The following ATP4B variants were observed in gnomAD, a reference collection of about 807,000 sequenced individuals.
ATP4B encodes ATPase H+/K+ transporting subunit beta, also known as potassium-transporting ATPase subunit beta.
ATP4B carries 27 observed loss-of-function variants against 35.3 expected under a neutral mutation model. The ratio of observed to expected loss-of-function variants is 0.76; its 90% confidence interval spans 0.56 to 1.05. The LOEUF (loss-of-function observed/expected upper bound fraction) is 1.05. ATP4B is among the 50% of genes least tolerant of loss of function. The pLI is 0.00. For synonymous variants in ATP4B, 162 were observed against 156.0 expected (o/e 1.04, Z -0.29); for missense variants, 375 against 384.8 (o/e 0.97, Z 0.21).
At chr13:113,653,558 C>T in intron 2 of ATP4B, 124 bp from the exon 3 acceptor site, 1 of 729,828 alleles carries the variant, frequency 1.4e-6, no homozygotes, top group South Asian at 1.7e-5. Flanking sequence ...TCGGAGTAAA[C>T]TGTCTGCAGC....
At chr13:113,656,027 C>T (rs977670380) in intron 1 of ATP4B, among the ~76,000 whole-genome samples, 1 of 152,258 alleles carries the variant, frequency 6.6e-6, no homozygotes, top group African/African-American at 2.4e-5. Flanking sequence ...CACTTTGAGT[C>T]CCTCCTTTCC....
rs563712614 is a variant in ATP4B, at chr13:113,652,196, G to T, written c.556-469C>A. ...AGCCATCCCCTGCTGTGCTCCGAGG[G>T]TGGCAGCTGCCATGAGACGGGCACA... On this transcript the variant is annotated intron_variant, in intron 4 of 6. Transcript: ENST00000335288. Among the ~76,000 whole-genome samples the T allele has an allele frequency of 9.8e-5, 15 of 152,298 alleles. 1 individual carries two copies. The South Asian group carries it at 1.2e-3, about 13-fold the overall frequency.
intron 5 of ATP4B, among the ~76,000 whole-genome samples, chr13:113,651,392 C>A (rs1000017906): frequency 1.3e-5 from 2 of 152,230 alleles, no homozygotes; most frequent in Admixed American, 1.3e-4. Flanking sequence ...ACTGGTCTTT[C>A]CACATCGCCA....
Position 113,651,736 on chromosome 13 carries a change from G to T in ATP4B, c.556-9C>A. The T allele has an allele frequency of 2.5e-6, 4 of 1,613,472 alleles. No individual in the cohort carries two copies. The highest frequency in any genetic ancestry group is 3.4e-6 in the Non-Finnish European group (4 of 1,179,714). The stretch of plus-strand genomic sequence containing the variant: ...GGGAGGAACTTGACGATCTAGAAGG[G>T]AAAAGCTTGAGCGTGGCCGCTCCCC... On this transcript the variant is annotated splice_polypyrimidine_tract_variant and intron_variant, in intron 4 of 6. Coordinates refer to ENST00000335288, the MANE Select transcript of ATP4B (RefSeq NM_000705.4).
chr13:113,657,333 C>T (rs2049763037), intron 1 of ATP4B, among the ~76,000 whole-genome samples: 3 of 152,244 alleles, frequency 2.0e-5, no homozygotes, highest in African/African-American at 4.8e-5. Context: ...GGTGGGGGCG[C>T]ACAGGTGCTT....
At position 113,654,888 on chromosome 13, in the gene ATP4B, G is replaced by A; in HGVS notation, c.167C>T (p.Ala56Val). 6.2e-7 allele frequency: 1 copy of A among 1,614,226 alleles called. No homozygotes were observed. Among genetic ancestry groups the A allele is most frequent in the Non-Finnish European group, 8.5e-7 (1 of 1,180,036 alleles). ...AFYVVMTGLF[A>V]LCLYVLMQTV... ...CTGCATCAGCACATAGAGGCACAGG[G>A]CGAAGAGCCCAGTCATCACCACGTA... The change falls in exon 2 of 7, where the codon GCC (alanine) becomes GTC (valine). Residue 56 changes from alanine (A) to valine (V), a missense_variant. By Grantham distance (64) the Ala-to-Val change is moderately conservative. Coordinates refer to ENST00000335288, the MANE Select transcript of ATP4B (RefSeq NM_000705.4).
intron 2 of ATP4B, among the ~76,000 whole-genome samples, chr13:113,654,401 C>T (rs2140703570): frequency 6.6e-6 from 1 of 152,270 alleles, no homozygotes; most frequent in African/African-American, 2.4e-5. Context: ...CTGCTGGTCT[C>T]CCGGGTGTGC....
chr13:113,655,627 T>A (rs1448347709), intron 1 of ATP4B, among the ~76,000 whole-genome samples: 2 of 152,204 alleles, frequency 1.3e-5, no homozygotes, highest in Non-Finnish European at 2.9e-5. Flanking sequence ...CTGTGTGCTG[T>A]CTTCGTCTCT....
rs1162636899 is a variant in ATP4B, at chr13:113,652,980, A to G, written c.448T>C (p.Phe150Leu). Reference protein sequence around the residue: ...ESFRAPNHTKFSCKFTADMLQ... With the variant: ...ESFRAPNHTKLSCKFTADMLQ... ...ATATCTGCCGTGAACTTGCAGGAGA[A>G]CTTGGTGTGGTTGGGAGCGCGGAAA... The change falls in exon 4 of 7, where the codon TTC becomes CTC. Residue 150 changes from phenylalanine (F) to leucine (L), a missense_variant. Physicochemically the swap from Phe to Leu is conservative, Grantham distance 22. Transcript: ENST00000335288. 2 of 1,614,074 alleles carry G rather than the reference A, an allele frequency of 1.2e-6. No individual in the cohort carries two copies. Among genetic ancestry groups the G allele is most frequent in the African/African-American group, 2.7e-5 (2 of 74,926 alleles).
At chr13:113,653,988 G>C (rs1050754779) in intron 2 of ATP4B, among the ~76,000 whole-genome samples, 1 of 152,164 alleles carries the variant, frequency 6.6e-6, no homozygotes, top group Non-Finnish European at 1.5e-5. Flanking sequence ...CAGGTCCTTA[G>C]GAACAGCCCG....
intron 1 of ATP4B, among the ~76,000 whole-genome samples, chr13:113,657,056 C>T (rs1319691508): frequency 2.0e-5 from 3 of 152,230 alleles, no homozygotes; most frequent in Non-Finnish European, 2.9e-5. Context: ...CCCTTTGAGA[C>T]CGTGGAGCCT....
At position 113,649,777 on chromosome 13, in the gene ATP4B, C is replaced by T. The variant is rs1485329874; in HGVS notation, c.715-242G>A. 1.3e-5 allele frequency among the ~76,000 whole-genome samples: 2 copies of T among 152,192 alleles called. No homozygotes were observed. The highest frequency in any genetic ancestry group is 3.9e-4 in the East Asian group (2 of 5,184). ...GAGTAAATTCAGCTTCAAACTCTTA[C>T]GATGATTAACGTAAAAATGAAACAG... On this transcript the variant is annotated intron_variant, in intron 6 of 6. Coordinates refer to ENST00000335288, the MANE Select transcript of ATP4B (RefSeq NM_000705.4). The surrounding 1 kb of genome is among the most constrained non-coding windows in gnomAD (Gnocchi z 4.7).
Position 113,649,534 on chromosome 13 carries a change from G to T in ATP4B, c.716C>A (p.Pro239His). The T allele has an allele frequency of 1.3e-6, 2 of 1,516,520 alleles. No individual in the cohort carries two copies. The highest frequency in any genetic ancestry group is 1.8e-6 in the Non-Finnish European group (2 of 1,127,268). The allele number at this position is 1,516,520 out of a possible 1,614,324, so 93.9% of individuals were successfully genotyped here. The change falls in exon 7 of 7, where the codon CCC (proline) becomes CAC (histidine). Residue 239 changes from proline (P) to histidine (H), a missense_variant and splice_region_variant. Transcript: ENST00000335288. This position sits in a 1 kb window ranked among gnomAD's most constrained non-coding sequence, Gnocchi z 4.7. Reference sequence around the variant, plus strand: ...TGCCACCAGGGGGTTGCTGTAGTGGGGCTGAAGTGGGAGTGAGGAAAGGAC... The same window carrying T: ...TGCCACCAGGGGGTTGCTGTAGTGGTGCTGAAGTGGGAGTGAGGAAAGGAC... ...YFPYYGKKAQ[P>H]HYSNPLVAAK...
chr13:113,649,275 G>A lies in ATP4B; in HGVS notation c.*99C>T. On this transcript the variant is annotated 3_prime_UTR_variant, in exon 7 of 7. Transcript: ENST00000335288. The surrounding 1 kb of genome is among the most constrained non-coding windows in gnomAD (Gnocchi z 4.7). ...ACACCGTTGCTCCAAACCACTTTGG[G>A]GATGATTTGGCAGGGAACTGACGGG... The A allele has an allele frequency of 7.0e-7, 1 of 1,420,330 alleles. No homozygotes were observed. Among genetic ancestry groups the A allele is most frequent in the Non-Finnish European group, 9.5e-7 (1 of 1,056,660 alleles). 88.0% of individuals were successfully genotyped at this position (1,420,330 alleles called of 1,614,324 possible).
Position 113,650,274 on chromosome 13 carries a change from G to A in ATP4B, c.714+132C>T, listed in dbSNP as rs879005551. 2.0e-5 allele frequency: 16 copies of A among 812,526 alleles called. No homozygotes were observed. Among genetic ancestry groups the A allele is most frequent in the African/African-American group, 6.8e-5 (4 of 58,402 alleles). 50.3% of individuals were successfully genotyped at this position (812,526 alleles called of 1,614,324 possible). ...CCTGGGCTTGGGAAACACGCAGAAC[G>A]TTCCAGTCAGGACCGGCTAAGTCAC... On this transcript the variant is annotated intron_variant, in intron 6 of 6. Transcript: ENST00000335288. The surrounding 1 kb of genome is among the most constrained non-coding windows in gnomAD (Gnocchi z 5.0).
chr13:113,654,219 A>T (rs1292274920), intron 2 of ATP4B, among the ~76,000 whole-genome samples: 1 of 152,162 alleles, frequency 6.6e-6, no homozygotes, highest in East Asian at 1.9e-4. Flanking sequence ...TTAAGAGTAA[A>T]ATCTATACGT....
Position 113,658,139 on chromosome 13 carries a change from C to T in ATP4B, c.6G>A (p.Ala2=), listed in dbSNP as rs370650649. 76 of 1,611,948 alleles carry T rather than the reference C, an allele frequency of 4.7e-5. 1 individual carries two copies. Among genetic ancestry groups the T allele is most frequent in the African/African-American group, 4.4e-4 (33 of 75,042 alleles). The part of the protein sequence containing the change: M[A]ALQEKKTCGQ... ...CACACGTCTTCTTCTCCTGCAGAGCCGCCATCGTCCCTGGCCTGAGATCCT... is the reference window on the plus strand; with the variant it reads ...CACACGTCTTCTTCTCCTGCAGAGCTGCCATCGTCCCTGGCCTGAGATCCT... The change falls in exon 1 of 7, where the codon GCG becomes GCA. Residue 2 remains alanine (A), a synonymous_variant. Coordinates refer to ENST00000335288, the MANE Select transcript of ATP4B (RefSeq NM_000705.4).
At position 113,650,938 on chromosome 13, in the gene ATP4B, G is replaced by A. The variant is rs150426386; in HGVS notation, c.613-431C>T. On this transcript the variant is annotated intron_variant, in intron 5 of 6. Transcript: ENST00000335288. The surrounding 1 kb of genome is among the most constrained non-coding windows in gnomAD (Gnocchi z 5.0). ...TTTCAGAAGCAGAGGCTTGCCCAGT[G>A]GGTAGCTCAGGGTCATCAACGAACA... Among the ~76,000 whole-genome samples, 382 of 152,250 alleles carry A rather than the reference G, an allele frequency of 2.5e-3. No homozygotes were observed. The highest frequency in any genetic ancestry group is 3.9e-3 in the Non-Finnish European group (266 of 68,014).
At position 113,655,029 on chromosome 13, in the gene ATP4B, C is replaced by T. The variant is rs534925889; in HGVS notation, c.113-87G>A. On this transcript the variant is annotated intron_variant, in intron 1 of 6. Transcript: ENST00000335288. ...GGCCTTGAGCGCGTCCGTGATGTGG[C>T]GTGACCATCTTCCCTACCTAGTTCC... The T allele has an allele frequency of 2.2e-4, 339 of 1,536,836 alleles. 1 individual carries two copies. The highest frequency in any genetic ancestry group is 1.1e-3 in the African/African-American group (79 of 73,770).
Sources: allele counts gnomAD v4.1 joint callset (sites outside exome capture counted in the v4.1 genomes callset), GRCh38; gene constraint gnomAD v4.1.1; non-coding constraint Gnocchi (gnomAD v3.1); transcripts MANE v1.5; gene names NCBI Gene and HGNC (gene_info 2026-07-23, HGNC 2026-07-21).